Variants in CDH13 observed in about 807,000 individuals in gnomAD.
CDH13 encodes cadherin-13.
CDH13 carries 24 observed loss-of-function variants against 63.8 expected under a neutral mutation model. The ratio of observed to expected loss-of-function variants is 0.38; its 90% CI spans 0.27 to 0.53. CDH13 has a LOEUF of 0.53. CDH13 is among the 20% of genes least tolerant of loss of function. The probability of loss-of-function intolerance (pLI) is 0.85; values close to 1 mark genes in which losing one functional copy is unlikely to be tolerated. For missense variants in CDH13, 1,049 were observed against 903.1 expected (o/e 1.16, Z -2.07); for synonymous variants, 503 against 355.3 (o/e 1.42, Z -4.67).
At chr16:83,779,126 G>C (rs1199767186) in intron 11 of CDH13, among the ~76,000 whole-genome samples, 1 of 152,096 alleles carries the variant, frequency 6.6e-6, no homozygotes, top group African/African-American at 2.4e-5. Context: ...AAGTCTTAAG[G>C]CCGGATGCGG....
chr16:82,993,546 G>A (rs1020586931), intron 2 of CDH13, among the ~76,000 whole-genome samples: 4 of 152,048 alleles, frequency 2.6e-5, no homozygotes, highest in African/African-American at 9.7e-5. Context: ...AGTAGCATTG[G>A]GCCATGTTTA....
intron 6 of CDH13, among the ~76,000 whole-genome samples, chr16:83,386,560 T>C (rs925833269): frequency 6.6e-6 from 1 of 152,186 alleles, no homozygotes; most frequent in Non-Finnish European, 1.5e-5. Flanking sequence ...CCGGATAGTA[T>C]TACCCACCCT....
chr16:83,756,974 C>A (rs942687705), intron 11 of CDH13, among the ~76,000 whole-genome samples: 2 of 152,160 alleles, frequency 1.3e-5, no homozygotes, highest in African/African-American at 4.8e-5. Context: ...CAACTGAGTT[C>A]ATTCTTTTCA....
chr16:82,761,833 TG>T (rs755846541), intron 1 of CDH13, among the ~76,000 whole-genome samples: 5 of 152,174 alleles, frequency 3.3e-5, no homozygotes, highest in Non-Finnish European at 7.3e-5. Context: ...TCATGACTTA[TG>T]ATTTTTTATA....
chr16:82,744,656 A>T (rs1184092062), intron 1 of CDH13, among the ~76,000 whole-genome samples: 1 of 152,178 alleles, frequency 6.6e-6, no homozygotes, highest in Admixed American at 6.5e-5. Context: ...CTACTCCTGG[A>T]TAAAAATCAC....
intron 11 of CDH13, among the ~76,000 whole-genome samples, chr16:83,771,416 A>G (rs12927971): frequency 2.9e-4 from 44 of 152,322 alleles, no homozygotes; most frequent in Non-Finnish European, 5.3e-4. Context: ...TCGTGGTCAT[A>G]TAATGTGCTG....
intron 3 of CDH13, among the ~76,000 whole-genome samples, chr16:83,082,212 T>C (rs964624039): frequency 6.6e-6 from 1 of 152,222 alleles, no homozygotes; most frequent in Non-Finnish European, 1.5e-5. Context: ...CATTCCACTC[T>C]GCCCTCTCCC....
At chr16:82,649,629 A>T (rs1378752664) in intron 1 of CDH13, among the ~76,000 whole-genome samples, 41 of 152,148 alleles carry the variant, frequency 2.7e-4, no homozygotes, top group Non-Finnish European at 5.9e-5. Flanking sequence ...TATGAGCTTA[A>T]AACCAGATCT....
intron 1 of CDH13, among the ~76,000 whole-genome samples, chr16:82,818,742 G>A (rs2037851284): frequency 6.6e-6 from 1 of 152,172 alleles, no homozygotes; most frequent in Non-Finnish European, 1.5e-5. Flanking sequence ...GCATCTCTCG[G>A]CAGCATGCAG....
At chr16:83,317,416 C>T (rs1266220649) in intron 5 of CDH13, among the ~76,000 whole-genome samples, 2 of 152,166 alleles carry the variant, frequency 1.3e-5, no homozygotes, top group African/African-American at 4.8e-5. Context: ...GCTTGAATTT[C>T]ATCAACCAAA....
intron 4 of CDH13, among the ~76,000 whole-genome samples, chr16:83,135,884 G>C (rs547972774): frequency 3.9e-5 from 6 of 152,298 alleles, no homozygotes; most frequent in Non-Finnish European, 7.4e-5. Context: ...ACCTGGATGA[G>C]ATTGGAGACT....
chr16:83,447,224 A>G lies in CDH13; in HGVS notation c.782-39253A>G, dbSNP rs1329852317. 2.7e-5 allele frequency among the ~76,000 whole-genome samples: 4 copies of G among 147,798 alleles called. No homozygotes were observed. The South Asian group carries it at 6.4e-4, about 24-fold the overall frequency. ...GAGGTCAGGAGTTCGAGACCAGCCT[A>G]GTCAACATGGTGAAACCCCATCTCT... On this transcript the variant is annotated intron_variant, in intron 6 of 13. Coordinates refer to ENST00000567109, the MANE Select transcript of CDH13 (RefSeq NM_001257.5).
chr16:83,194,012 A>G (rs1356142232), intron 4 of CDH13, among the ~76,000 whole-genome samples: 1 of 152,232 alleles, frequency 6.6e-6, no homozygotes, highest in Non-Finnish European at 1.5e-5. Flanking sequence ...TTTCATTAGA[A>G]AAGCTGCCAC....
At chr16:83,181,230 T>A (rs1408837755) in intron 4 of CDH13, 1 of 382,184 alleles carries the variant, frequency 2.6e-6, no homozygotes, top group African/African-American at 2.1e-5. Context: ...CTTAATTTCT[T>A]CTCAGTCCAA....
intron 10 of CDH13, among the ~76,000 whole-genome samples, chr16:83,709,074 C>T (rs1277000106): frequency 6.6e-6 from 1 of 151,922 alleles, no homozygotes; most frequent in Non-Finnish European, 1.5e-5. Flanking sequence ...AAAATGGAGG[C>T]AGGAGGGTCA....
At chr16:83,109,939 C>T (rs757542461) in intron 3 of CDH13, among the ~76,000 whole-genome samples, 2 of 152,136 alleles carry the variant, frequency 1.3e-5, no homozygotes, top group African/African-American at 2.4e-5. Context: ...CTGCTAGATT[C>T]GTGAAATATT....
chr16:83,077,186 CT>C (rs34536219), intron 3 of CDH13, among the ~76,000 whole-genome samples: 5,487 of 58,764 alleles, frequency 0.093, 10 homozygotes, highest in Non-Finnish European at 0.12. Context: ...TTTTTCTTTT[CT>C]TTTTTTTTTT....
intron 1 of CDH13, among the ~76,000 whole-genome samples, chr16:82,646,856 A>G (rs924232990): frequency 1.3e-5 from 2 of 152,190 alleles, no homozygotes; most frequent in African/African-American, 4.8e-5. Context: ...GCCTGAGTCC[A>G]GATCTGAAGC....
chr16:83,336,513 A>T (rs929851403), intron 5 of CDH13, among the ~76,000 whole-genome samples: 3 of 152,182 alleles, frequency 2.0e-5, no homozygotes, highest in Non-Finnish European at 4.4e-5. Flanking sequence ...CTGTCTGCAA[A>T]ATAGAAACGG....
Sources: gnomAD v4.1 joint callset for allele counts (sites outside exome capture counted in the v4.1 genomes callset) on GRCh38, gnomAD v4.1.1 for gene constraint, MANE v1.5 for transcripts, NCBI Gene and HGNC (gene_info 2026-07-23, HGNC 2026-07-21) for gene names.